THRB: variants seen among roughly 807,000 people sequenced by gnomAD.
The protein encoded by THRB is nuclear receptor subfamily 1 group A member 2.
THRB carries 12 observed loss-of-function variants against 47.8 expected under a neutral mutation model. The ratio of observed to expected loss-of-function variants is 0.25; its 90% confidence interval spans 0.16 to 0.41. The LOEUF (loss-of-function observed/expected upper bound fraction) is 0.41. Ranked by LOEUF, THRB falls within the 10% of genes least tolerant of loss-of-function variation. The pLI is 1.00. For missense variants in THRB, 348 were observed against 589.2 expected (o/e 0.59, Z 4.24); for synonymous variants, 218 against 212.2 (o/e 1.03, Z -0.24).
At chr3:24,245,967 G>A (rs572260200) in intron 3 of THRB, among the ~76,000 whole-genome samples, 3 of 152,036 alleles carry the variant, frequency 2.0e-5, no homozygotes, top group Non-Finnish European at 4.4e-5. Context: ...TCATAATGTG[G>A]GTTACGTAAA....
chr3:24,134,982 C>T (rs934306400), intron 8 of THRB, among the ~76,000 whole-genome samples: 23 of 152,176 alleles, frequency 1.5e-4, no homozygotes, highest in Admixed American at 6.5e-5. Flanking sequence ...CCCCAAACTT[C>T]ACTGTGCGTC....
At chr3:24,206,536 A>G (rs1210958280) in intron 4 of THRB, among the ~76,000 whole-genome samples, 1 of 152,242 alleles carries the variant, frequency 6.6e-6, no homozygotes, top group Non-Finnish European at 1.5e-5. Flanking sequence ...CTAAATGCCC[A>G]CAAGAGAAAG....
intron 1 of THRB, among the ~76,000 whole-genome samples, chr3:24,490,471 TG>T (rs1426123931): frequency 6.6e-6 from 1 of 152,152 alleles, no homozygotes; most frequent in Non-Finnish European, 1.5e-5. Context: ...CTTCCAACAG[TG>T]TTTCACCTGT....
chr3:24,300,948 G>T (rs756803279), intron 2 of THRB, among the ~76,000 whole-genome samples: 3 of 152,148 alleles, frequency 2.0e-5, no homozygotes, highest in Non-Finnish European at 2.9e-5. Flanking sequence ...ATATAATTAA[G>T]GATCTCTACA....
At chr3:24,321,040 G>T (rs962698439) in intron 2 of THRB, among the ~76,000 whole-genome samples, 17 of 152,322 alleles carry the variant, frequency 1.1e-4, no homozygotes, top group African/African-American at 3.8e-4. Context: ...AGAGTTTCAG[G>T]TGTATCTTCT....
chr3:24,137,419 A>G (rs1046539870), intron 8 of THRB, among the ~76,000 whole-genome samples: 5 of 152,232 alleles, frequency 3.3e-5, no homozygotes, highest in African/African-American at 9.6e-5. Context: ...AGAATTTGTG[A>G]TAAGTCTGGA....
chr3:24,245,776 G>T (rs969773861), intron 3 of THRB, among the ~76,000 whole-genome samples: 1 of 152,154 alleles, frequency 6.6e-6, no homozygotes, highest in Non-Finnish European at 1.5e-5. Flanking sequence ...AGCCGGGTGT[G>T]GTGGCACGTG....
intron 3 of THRB, among the ~76,000 whole-genome samples, chr3:24,250,101 A>G (rs191843153): frequency 3.3e-5 from 5 of 152,340 alleles, no homozygotes; most frequent in East Asian, 1.9e-4. Context: ...ATTCATAGTT[A>G]TAAGAAACAA....
intron 6 of THRB, 24 bp downstream of exon 6, chr3:24,152,366 T>C (rs765256388): frequency 2.9e-6 from 4 of 1,384,888 alleles, no homozygotes; most frequent in Non-Finnish European, 3.1e-6. Flanking sequence ...CTAAGCTCTG[T>C]GCTTGTGGAC....
rs1035090874 is a variant in THRB at position 24,119,729 on chromosome 3, C to T, written c.*3155G>A. On this transcript the variant is annotated 3_prime_UTR_variant, in exon 11 of 11. Coordinates refer to ENST00000646209, the MANE Select transcript of THRB (RefSeq NM_001354712.2). Reference sequence around the variant, plus strand: ...ACAGGTCAAGCGCGTCATTGAGGACCGAGGCTCTAGAAAAAGCTCTGAGGC... The same window carrying T: ...ACAGGTCAAGCGCGTCATTGAGGACTGAGGCTCTAGAAAAAGCTCTGAGGC... 6.6e-6 allele frequency: 1 copy of T among 152,158 alleles called. No individual in the cohort carries two copies. Among genetic ancestry groups the T allele is most frequent in the Non-Finnish European group, 1.5e-5 (1 of 68,048 alleles). 9.4% of individuals were successfully genotyped at this position (152,158 alleles called of 1,614,324 possible). A position where few individuals can be genotyped will look rare whatever the true frequency, so the allele number is the denominator to read the frequency against.
At chr3:24,445,742 C>G (rs182036358) in intron 1 of THRB, among the ~76,000 whole-genome samples, 145 of 152,168 alleles carry the variant, frequency 9.5e-4, no homozygotes, top group African/African-American at 3.3e-3. Flanking sequence ...CTTTGATTGC[C>G]TCTCCTAGGA....
At chr3:24,447,661 C>T (rs189728794) in intron 1 of THRB, among the ~76,000 whole-genome samples, 2 of 152,116 alleles carry the variant, frequency 1.3e-5, no homozygotes, top group Non-Finnish European at 2.9e-5. Context: ...TATAGCAAAA[C>T]TCTATGATCT....
At chr3:24,450,607 G>A (rs980336210) in intron 1 of THRB, among the ~76,000 whole-genome samples, 7 of 152,140 alleles carry the variant, frequency 4.6e-5, no homozygotes, top group Non-Finnish European at 1.0e-4. Flanking sequence ...ACTCAAAGAC[G>A]AGTTTCTGAG....
intron 1 of THRB, among the ~76,000 whole-genome samples, chr3:24,416,586 A>C (rs1022145519): frequency 1.3e-5 from 2 of 151,900 alleles, no homozygotes; most frequent in Non-Finnish European, 2.9e-5. Flanking sequence ...TTTTGGTTTC[A>C]TATAGGATTC....
chr3:24,227,086 C>A (rs2150067114), intron 4 of THRB, among the ~76,000 whole-genome samples: 1 of 152,028 alleles, frequency 6.6e-6, no homozygotes, highest in South Asian at 2.1e-4. Flanking sequence ...CCATGTTTTG[C>A]CATTTCATAT....
At chr3:24,274,395 T>C (rs2053685997) in intron 3 of THRB, among the ~76,000 whole-genome samples, 1 of 152,208 alleles carries the variant, frequency 6.6e-6, no homozygotes, top group Non-Finnish European at 1.5e-5. Flanking sequence ...TAGTGCTATT[T>C]TGAAGAGCCT....
intron 1 of THRB, among the ~76,000 whole-genome samples, chr3:24,350,334 A>G (rs146671519): frequency 1.3e-5 from 2 of 152,124 alleles, no homozygotes; most frequent in Admixed American, 1.3e-4. Context: ...ATTATTAACC[A>G]GCAACTTCAC....
At chr3:24,480,204 A>G (rs1696156311) in intron 1 of THRB, among the ~76,000 whole-genome samples, 1 of 152,128 alleles carries the variant, frequency 6.6e-6, no homozygotes, top group Non-Finnish European at 1.5e-5. Flanking sequence ...GCTTCTGGGG[A>G]GCCCAAACTG....
rs999818956 is a variant in THRB at position 24,393,917 on chromosome 3, G to T, written c.-260-56546C>A. Among the ~76,000 whole-genome samples the T allele has an allele frequency of 5.3e-5, 8 of 152,122 alleles. No homozygotes were observed. The East Asian group carries it at 1.5e-3, about 29-fold the overall frequency. The stretch of plus-strand genomic sequence containing the variant: ...GAAAAAATGAGGTTTGAAACTGGGG[G>T]TCCACCATATCTCCTTTGGTATTGA... On this transcript the variant is annotated intron_variant, in intron 1 of 10. Transcript: ENST00000646209.
Sources: gnomAD v4.1 joint callset for allele counts (sites outside exome capture counted in the v4.1 genomes callset) on GRCh38, gnomAD v4.1.1 for gene constraint, MANE v1.5 for transcripts, NCBI Gene and HGNC (gene_info 2026-07-23, HGNC 2026-07-21) for gene names.